Variants in DAB2 observed in about 807,000 individuals in gnomAD.
DAB2 encodes disabled homolog 2.
A neutral mutation model predicts 71.6 loss-of-function variants in DAB2; 28 were observed. That is an observed-to-expected ratio of 0.39 (90% CI 0.29 to 0.54). DAB2 has a LOEUF of 0.54. DAB2 is among the 20% of genes least tolerant of loss of function. The pLI, the probability that DAB2 is intolerant of heterozygous loss-of-function variation, is 0.68. For missense variants in DAB2, 867 were observed against 928.8 expected (o/e 0.93, Z 0.86); for synonymous variants, 345 against 339.7 (o/e 1.02, Z -0.17).
At chr5:39,398,363 TA>T (rs1185108027) in intron 1 of DAB2, among the ~76,000 whole-genome samples, 7 of 152,196 alleles carry the variant, frequency 4.6e-5, no homozygotes, top group Non-Finnish European at 8.8e-5. Flanking sequence ...TAAGTTTTTA[TA>T]GCAAAAATTT....
Position 39,392,402 on chromosome 5 carries a change from G to A in DAB2, c.293C>T (p.Ser98Phe). Residue 98 changes from serine (S) to phenylalanine (F), a missense_variant, in exon 4 of 15, where the codon TCC becomes TTC. By Grantham distance (155) the Ser-to-Phe change is radical (BLOSUM62 -2). Around this residue, in one of 2 missense-constraint regions of DAB2, gnomAD observed 127 missense variants for 194.4 expected, o/e 0.65. Coordinates refer to ENST00000320816, the MANE Select transcript of DAB2 (RefSeq NM_001343.4). ...ATCAATTATTTTTATCCCAGAAAGGGAAATGTTGACCCAGATCCTTTGTTT... is the reference window on the plus strand; with the variant it reads ...ATCAATTATTTTTATCCCAGAAAGGAAAATGTTGACCCAGATCCTTTGTTT... ...QHKQRIWVNI[S>F]LSGIKIIDEK... 2 of 1,614,118 alleles carry A rather than the reference G, an allele frequency of 1.2e-6. No individual in the cohort carries two copies. Among genetic ancestry groups the A allele is most frequent in the East Asian group, 2.2e-5 (1 of 44,888 alleles).
chr5:39,403,476 A>G (rs1271717), intron 1 of DAB2, among the ~76,000 whole-genome samples: 1 of 152,206 alleles, frequency 6.6e-6, no homozygotes, highest in South Asian at 2.1e-4. Context: ...TAATTTGAAC[A>G]TGGTATTTTA....
At chr5:39,396,198 C>G (rs1206427950) in intron 1 of DAB2, among the ~76,000 whole-genome samples, 1 of 152,092 alleles carries the variant, frequency 6.6e-6, no homozygotes, top group African/African-American at 2.4e-5. Context: ...CCGCCTGACT[C>G]AGCCTCCCAA....
chr5:39,381,741 G>T, intron 10 of DAB2, 125 bp from the exon 11 acceptor site: 1 of 933,616 alleles, frequency 1.1e-6, no homozygotes, highest in Admixed American at 2.7e-5. Context: ...TTTCTTGACA[G>T]ATGAACAACA....
At position 39,394,336 on chromosome 5, in the gene DAB2, A is replaced by G; in HGVS notation, c.-16T>C. ...CGTTAGACATGGCAAGAAGGCAGGC[A>G]GCAAACCTCAGTACCAGTGGACACT... On this transcript the variant is annotated 5_prime_UTR_variant, in exon 2 of 15. Transcript: ENST00000320816. The G allele has an allele frequency of 6.2e-7, 1 of 1,601,182 alleles. No individual in the cohort carries two copies. Among genetic ancestry groups the G allele is most frequent in the African/African-American group, 1.3e-5 (1 of 74,770 alleles).
chr5:39,373,689 G>C (rs1369043066), intron 14 of DAB2, among the ~76,000 whole-genome samples: 3 of 152,040 alleles, frequency 2.0e-5, no homozygotes, highest in African/African-American at 4.8e-5. Flanking sequence ...CTTCCTTCAT[G>C]ACCTAAAGAA....
chr5:39,405,649 A>T (rs1437673283), intron 1 of DAB2, among the ~76,000 whole-genome samples: 2 of 152,216 alleles, frequency 1.3e-5, no homozygotes, highest in East Asian at 3.9e-4. Context: ...AGCATGCTGC[A>T]ACGTAGCTTT....
rs968776246 is a variant in DAB2 at position 39,374,859 on chromosome 5, T to C, written c.*5+155A>G. On this transcript the variant is annotated intron_variant, in intron 14 of 14. Coordinates refer to ENST00000320816, the MANE Select transcript of DAB2 (RefSeq NM_001343.4). ...TCTTAAGTGCCCAGCCTAGTCATTA[T>C]TGAATGATCTCAGTAGAGATTTTCC... The C allele has an allele frequency of 3.3e-5, 21 of 630,178 alleles. No homozygotes were observed. The East Asian group carries it at 3.5e-4, about 10-fold the overall frequency. 39.0% of individuals were successfully genotyped at this position (630,178 alleles called of 1,614,324 possible).
rs372738048 is a variant in DAB2, at chr5:39,379,942, C to T, written c.1504+1512G>A. On this transcript the variant is annotated intron_variant, in intron 11 of 14. Coordinates refer to ENST00000320816, the MANE Select transcript of DAB2 (RefSeq NM_001343.4). Reference sequence around the variant, plus strand: ...GGCACCTAGCCAAAAAGCTTCACTTCGTCTGAATAAATAAACAGTTATAGG... The same window carrying T: ...GGCACCTAGCCAAAAAGCTTCACTTTGTCTGAATAAATAAACAGTTATAGG... Among the ~76,000 whole-genome samples, 14 of 152,346 alleles carry T rather than the reference C, an allele frequency of 9.2e-5. No individual in the cohort carries two copies. In the South Asian group the frequency reaches 2.5e-3, roughly 27 times the overall value.
At position 39,398,105 on chromosome 5, in the gene DAB2, G is replaced by A. The variant is rs527256034; in HGVS notation, c.-101-3684C>T. Among the ~76,000 whole-genome samples, 3 of 152,230 alleles carry A rather than the reference G, an allele frequency of 2.0e-5. No individual in the cohort carries two copies. In the South Asian group the frequency reaches 6.2e-4, roughly 32 times the overall value. Reference sequence around the variant, plus strand: ...AGCCGGATATCATACTTCACTGCAAGGTATTATTTCTGACATGAAAAGACT... The same window carrying A: ...AGCCGGATATCATACTTCACTGCAAAGTATTATTTCTGACATGAAAAGACT... On this transcript the variant is annotated intron_variant, in intron 1 of 14. Transcript: ENST00000320816.
At chr5:39,378,079 T>C (rs1433070694) in intron 11 of DAB2, among the ~76,000 whole-genome samples, 1 of 152,142 alleles carries the variant, frequency 6.6e-6, no homozygotes, top group African/African-American at 2.4e-5. Flanking sequence ...GAGAGGACAA[T>C]GGGAAACAAA....
intron 1 of DAB2, among the ~76,000 whole-genome samples, chr5:39,409,778 T>C (rs1755680366): frequency 6.6e-6 from 1 of 152,172 alleles, no homozygotes; most frequent in Non-Finnish European, 1.5e-5. Flanking sequence ...CATTAAACAT[T>C]GTTCCTAATC....
At chr5:39,392,340 G>C (rs1207270986) in intron 4 of DAB2, 25 bp downstream of exon 4, 1 of 1,553,914 alleles carries the variant, frequency 6.4e-7, no homozygotes. Flanking sequence ...TGGTCAGAGA[G>C]GTATCAGCAA....
Position 39,403,242 on chromosome 5 carries a change from T to G in DAB2, c.-101-8821A>C, listed in dbSNP as rs532034506. On this transcript the variant is annotated intron_variant, in intron 1 of 14. Coordinates refer to ENST00000320816, the MANE Select transcript of DAB2 (RefSeq NM_001343.4). Reference sequence around the variant, plus strand: ...GAAAACTGAGGGCAAGAAAGAGAGTTTGACTTGTCTAATTGTGAAATAGCT... The same window carrying G: ...GAAAACTGAGGGCAAGAAAGAGAGTGTGACTTGTCTAATTGTGAAATAGCT... 2.6e-5 allele frequency among the ~76,000 whole-genome samples: 4 copies of G among 152,268 alleles called. No individual in the cohort carries two copies. In the South Asian group the frequency reaches 6.2e-4, roughly 24 times the overall value.
chr5:39,404,567 T>A (rs1191653044), intron 1 of DAB2, among the ~76,000 whole-genome samples: 1 of 151,432 alleles, frequency 6.6e-6, no homozygotes, highest in Non-Finnish European at 1.5e-5. Flanking sequence ...ATTCTTTGTT[T>A]TTGGATTTTG....
At chr5:39,421,874 T>C (rs957854800) in intron 1 of DAB2, among the ~76,000 whole-genome samples, 7 of 147,714 alleles carry the variant, frequency 4.7e-5, no homozygotes, top group Non-Finnish European at 8.9e-5. Context: ...CTGGCCAACA[T>C]GGTGAAACCC....
intron 3 of DAB2, 116 bp from the exon 4 acceptor site, chr5:39,392,579 G>A (rs75479566): frequency 0.033 from 23,953 of 717,950 alleles, 574 homozygotes; most frequent in South Asian, 0.076. Context: ...TGCCATCGAT[G>A]AGAGGATTCG....
rs746952574 is a variant in DAB2, at chr5:39,383,174, G to A, written c.785C>T (p.Ser262Phe). The part of the protein sequence containing the change: ...ENPFLTNGIT[S>F]CSLPRPTPQA... ...AGGCGTTGGTCGAGGAAGAGAACAG[G>A]AGGTGATGCCGTTTGTTAAGAATGG... is the stretch of plus-strand genomic sequence containing the variant. The change falls in exon 10 of 15, where the codon TCC (serine) becomes TTC (phenylalanine). Residue 262 changes from serine to phenylalanine, a missense_variant. This residue lies in a region of DAB2 where 740 missense variants were observed against 734.3 expected (regional missense o/e 1.01). Coordinates refer to ENST00000320816, the MANE Select transcript of DAB2 (RefSeq NM_001343.4). 1.1e-5 allele frequency: 17 copies of A among 1,614,002 alleles called. No homozygotes were observed. The highest frequency in any genetic ancestry group is 6.7e-5 in the Admixed American group (4 of 59,984).
At position 39,381,513 on chromosome 5, in the gene DAB2, T is replaced by C. The variant is rs746664703; in HGVS notation, c.1445A>G (p.Asn482Ser). 1.5e-5 allele frequency: 25 copies of C among 1,613,910 alleles called. 1 individual carries two copies. The South Asian group carries it at 2.6e-4, about 17-fold the overall frequency. ...PTGQPTALQP[N>S]PLDLFKTSAP... The stretch of plus-strand genomic sequence containing the variant: ...ACTTGTTTTGAAGAGATCCAGAGGG[T>C]TGGGCTGCAGGGCTGTAGGTTGTCC... Residue 482 changes from asparagine (N) to serine (S), a missense_variant, in exon 11 of 15, where the codon AAC becomes AGC. Asn to Ser is a conservative substitution (Grantham distance 46). Transcript: ENST00000320816.
Sources: gnomAD v4.1 joint callset for allele counts (sites outside exome capture counted in the v4.1 genomes callset) on GRCh38, gnomAD v4.1.1 for gene constraint, gnomAD v4.1.1 regional missense constraint, MANE v1.5 for transcripts, NCBI Gene and HGNC (gene_info 2026-07-23, HGNC 2026-07-21) for gene names.